The following DECR1 variants were observed in gnomAD, a reference collection of about 807,000 sequenced individuals.
DECR1 encodes 2,4-dienoyl-CoA reductase 1.
A neutral mutation model predicts 38.8 loss-of-function variants in DECR1; 44 were observed. The observed-to-expected ratio is 1.13, with a 90% CI of 0.89 to 1.46. DECR1 has a LOEUF of 1.46. Ranked by LOEUF, DECR1 falls within the 40% of genes most tolerant of loss-of-function variation. DECR1 has a pLI of 0.00. For synonymous variants in DECR1, 148 were observed against 135.2 expected, an observed-to-expected ratio of 1.09 and a Z score of -0.66; for missense variants, 428 against 405.5, an observed-to-expected ratio of 1.06 and a Z score of -0.48.
chr8:90,043,225 G>A (rs78335775), intron 7 of DECR1, among the ~76,000 whole-genome samples: 3,846 of 152,084 alleles, frequency 0.025, 62 homozygotes, highest in Middle Eastern at 0.044. Context: ...TATTATATAG[G>A]CTTTGTCTTG....
Position 90,051,965 on chromosome 8 carries a change from T to C in DECR1, c.*68T>C. The stretch of plus-strand genomic sequence containing the variant: ...AATGAAACAAATTATCTCTCATCTT[T>C]TGACTATTTCAAGTCTAATAAATTC... On this transcript the variant is annotated 3_prime_UTR_variant, in exon 10 of 10. Coordinates refer to ENST00000220764, the MANE Select transcript of DECR1 (RefSeq NM_001359.2). 2 of 1,372,788 alleles carry C rather than the reference T, an allele frequency of 1.5e-6. No homozygotes were observed. Among genetic ancestry groups the C allele is most frequent in the South Asian group, 2.4e-5 (2 of 83,188 alleles). The allele number at this position is 1,372,788 out of a possible 1,614,324, so 85.0% of individuals were successfully genotyped here.
At chr8:90,042,898 G>A in intron 7 of DECR1, 98 bp downstream of exon 7, 1 of 1,039,236 alleles carries the variant, frequency 9.6e-7, no homozygotes, top group South Asian at 1.3e-5. Flanking sequence ...TTCCAGAGAT[G>A]CCTAGGTTTA....
intron 6 of DECR1, among the ~76,000 whole-genome samples, chr8:90,040,081 A>G (rs1366317098): frequency 6.6e-6 from 1 of 152,182 alleles, no homozygotes; most frequent in South Asian, 2.1e-4. Context: ...TATCTGGCAC[A>G]CCTCTGAGCA....
intron 7 of DECR1, among the ~76,000 whole-genome samples, chr8:90,043,408 AAT>A (rs1813812264): frequency 6.6e-6 from 1 of 152,094 alleles, no homozygotes; most frequent in Non-Finnish European, 1.5e-5. Context: ...AATTATCTCT[AAT>A]GTTGTTACAG....
intron 1 of DECR1, among the ~76,000 whole-genome samples, chr8:90,014,516 C>T (rs1812958371): frequency 6.6e-6 from 1 of 152,110 alleles, no homozygotes. Context: ...TTGATCAGAT[C>T]ATATAAGATA....
intron 5 of DECR1, among the ~76,000 whole-genome samples, chr8:90,024,733 G>C (rs544084523): frequency 2.4e-4 from 36 of 152,090 alleles, no homozygotes; most frequent in African/African-American, 8.7e-4. Flanking sequence ...ATTAGATCCC[G>C]TTTGTCTATT....
chr8:90,036,738 C>T lies in DECR1; in HGVS notation c.566-103C>T, dbSNP rs960268728. 6 of 709,420 alleles carry T rather than the reference C, an allele frequency of 8.5e-6. No individual in the cohort carries two copies. In the African/African-American group the frequency reaches 1.1e-4, roughly 13 times the overall value. The allele number at this position is 709,420 out of a possible 1,614,324, so 43.9% of individuals were successfully genotyped here. The stretch of plus-strand genomic sequence containing the variant: ...AGTTTTAAAAAATACTTTAGTTTTT[C>T]TTATACCCTCTTTAATCAGATCCCA... On this transcript the variant is annotated intron_variant, in intron 5 of 9. Coordinates refer to ENST00000220764, the MANE Select transcript of DECR1 (RefSeq NM_001359.2).
At chr8:90,007,063 G>A (rs1165747672) in intron 1 of DECR1, among the ~76,000 whole-genome samples, 1 of 152,148 alleles carries the variant, frequency 6.6e-6, no homozygotes, top group East Asian at 1.9e-4. Flanking sequence ...ATTCTCCCTG[G>A]GAGTGTTAGG....
intron 1 of DECR1, among the ~76,000 whole-genome samples, chr8:90,009,227 A>G (rs548256310): frequency 6.6e-6 from 1 of 152,070 alleles, no homozygotes; most frequent in South Asian, 2.1e-4. Flanking sequence ...TACCCCATCC[A>G]TAAGCATGCC....
intron 7 of DECR1, among the ~76,000 whole-genome samples, chr8:90,043,241 G>A (rs2074596): frequency 0.28 from 41,865 of 152,000 alleles, 5,944 homozygotes; most frequent in East Asian, 0.39. Flanking sequence ...TCTTGTTATA[G>A]GTAGGTAGCA....
intron 1 of DECR1, among the ~76,000 whole-genome samples, chr8:90,011,219 G>A (rs1162993229): frequency 6.6e-6 from 1 of 152,052 alleles, no homozygotes; most frequent in Non-Finnish European, 1.5e-5. Flanking sequence ...AATACTTATT[G>A]AATAATTAAA....
intron 8 of DECR1, chr8:90,045,203 A>G (rs1355536870): frequency 3.4e-6 from 1 of 295,096 alleles, no homozygotes; most frequent in Non-Finnish European, 6.0e-6. Context: ...TGCTAAAGAC[A>G]TACCTGAGAC....
intron 5 of DECR1, among the ~76,000 whole-genome samples, chr8:90,028,582 T>C (rs1207673786): frequency 2.6e-5 from 4 of 152,094 alleles, no homozygotes; most frequent in African/African-American, 9.7e-5. Flanking sequence ...TAAAGGTATA[T>C]GATGTAACAG....
intron 5 of DECR1, among the ~76,000 whole-genome samples, chr8:90,023,139 A>G (rs746665098): frequency 5.9e-5 from 9 of 152,188 alleles, no homozygotes; most frequent in South Asian, 4.1e-4. Context: ...CAGTCTCTCA[A>G]TGTGGTATCT....
At chr8:90,042,569 C>T (rs895306298) in intron 6 of DECR1, 159 bp from the exon 7 acceptor site, 2 of 633,058 alleles carry the variant, frequency 3.2e-6, no homozygotes, top group Non-Finnish European at 5.6e-6. Context: ...CTCTCTGTGC[C>T]TTAGTTACAT....
At chr8:90,042,238 C>G (rs974864929) in intron 6 of DECR1, among the ~76,000 whole-genome samples, 1 of 152,082 alleles carries the variant, frequency 6.6e-6, no homozygotes, top group African/African-American at 2.4e-5. Flanking sequence ...ATATTACAGA[C>G]ATTGTAATCC....
chr8:90,006,507 C>T (rs1233935361), intron 1 of DECR1, among the ~76,000 whole-genome samples: 1 of 152,176 alleles, frequency 6.6e-6, no homozygotes, highest in African/African-American at 2.4e-5. Flanking sequence ...CTTTGTCCTG[C>T]AGGGTGGGAG....
At chr8:90,028,901 G>C (rs1472135330) in intron 5 of DECR1, among the ~76,000 whole-genome samples, 2 of 151,948 alleles carry the variant, frequency 1.3e-5, no homozygotes, top group Non-Finnish European at 2.9e-5. Flanking sequence ...CCCATTTATA[G>C]ACATGGGTGG....
chr8:90,015,571 C>T, intron 1 of DECR1: 1 of 444,918 alleles, frequency 2.2e-6, no homozygotes, highest in Non-Finnish European at 4.6e-6. Context: ...AAATCATTGA[C>T]CACATTTCTT....
Sources: allele counts gnomAD v4.1 joint callset (sites outside exome capture counted in the v4.1 genomes callset), GRCh38; gene constraint gnomAD v4.1.1; transcripts MANE v1.5; gene names NCBI Gene and HGNC (gene_info 2026-07-23, HGNC 2026-07-21).